The following PLEKHM2 variants were observed in gnomAD, a reference collection of about 807,000 sequenced individuals.
PLEKHM2 encodes pleckstrin homology domain-containing family M member 2.
Under a neutral mutation model 116.3 loss-of-function variants are expected in PLEKHM2, and 77 were observed. That is an observed-to-expected ratio of 0.66 (90% CI 0.55 to 0.80). PLEKHM2 has a LOEUF of 0.80. PLEKHM2 is among the 30% of genes least tolerant of loss of function. PLEKHM2 has a pLI of 0.00. For missense variants in PLEKHM2, 1,183 were observed against 1,354.9 expected, an observed-to-expected ratio of 0.87 and a Z score of 1.99; for synonymous variants, 562 against 571.0, an observed-to-expected ratio of 0.98 and a Z score of 0.22.
chr1:15,718,228 C>T (rs1316204568), intron 4 of PLEKHM2, among the ~76,000 whole-genome samples: 1 of 152,228 alleles, frequency 6.6e-6, no homozygotes. Context: ...TCAGACCTGA[C>T]CAGTGCCCAT....
At position 15,720,331 on chromosome 1, in the gene PLEKHM2, C is replaced by T. The variant is rs942288932; in HGVS notation, c.652+411C>T. 4.1e-6 allele frequency: 4 copies of T among 984,828 alleles called. No homozygotes were observed. In the African/African-American group the frequency reaches 5.3e-5, roughly 13 times the overall value. The allele number at this position is 984,828 out of a possible 1,614,324, so 61.0% of individuals were successfully genotyped here. On this transcript the variant is annotated intron_variant, in intron 6 of 19. Transcript: ENST00000375799. ...TCTTTGCAGAAGGAGGTTAAGCAACCCCTAGAAGAAGAGAGAACCAGGCAG... is the reference window on the plus strand; with the variant it reads ...TCTTTGCAGAAGGAGGTTAAGCAACTCCTAGAAGAAGAGAGAACCAGGCAG...
At chr1:15,703,573 C>T (rs547618497) in intron 1 of PLEKHM2, among the ~76,000 whole-genome samples, 2 of 152,274 alleles carry the variant, frequency 1.3e-5, no homozygotes, top group Non-Finnish European at 2.9e-5. Context: ...CTTTCACAGC[C>T]ACCTTTGAGT....
intron 1 of PLEKHM2, among the ~76,000 whole-genome samples, chr1:15,709,286 C>T (rs1641281955): frequency 6.6e-6 from 1 of 152,136 alleles, no homozygotes; most frequent in African/African-American, 2.4e-5. Flanking sequence ...TTATACTCAC[C>T]CCATTAATTC....
At chr1:15,689,446 G>A (rs551603698) in intron 1 of PLEKHM2, among the ~76,000 whole-genome samples, 13 of 152,096 alleles carry the variant, frequency 8.5e-5, no homozygotes, top group Non-Finnish European at 1.3e-4. Context: ...CGGCTGGAAG[G>A]TGCTTTCTGT....
At position 15,719,998 on chromosome 1, in the gene PLEKHM2, T is replaced by C; in HGVS notation, c.652+78T>C. 1.6e-6 allele frequency: 2 copies of C among 1,244,030 alleles called. No homozygotes were observed. The highest frequency in any genetic ancestry group is 2.2e-6 in the Non-Finnish European group (2 of 897,908). The allele number at this position is 1,244,030 out of a possible 1,614,324, so 77.1% of individuals were successfully genotyped here. A position where few individuals can be genotyped will look rare whatever the true frequency, so the allele number is the denominator to read the frequency against. On this transcript the variant is annotated intron_variant, in intron 6 of 19. Coordinates refer to ENST00000375799, the MANE Select transcript of PLEKHM2 (RefSeq NM_015164.4). The surrounding 1 kb of genome is among the most constrained non-coding windows in gnomAD (Gnocchi z 4.1). ...ACTGCTTAAGCCTGGCTGGGTGATG[T>C]CTTCCTTGGCTAGTTTTGGTCTGGT...
Position 15,728,580 on chromosome 1 carries a change from TAA to T in PLEKHM2, c.1922-88_1922-87del. On this transcript the variant is annotated intron_variant, in intron 11 of 19. Transcript: ENST00000375799. This position sits in a 1 kb window ranked among gnomAD's most constrained non-coding sequence, Gnocchi z 5.9. ...TACTGCAGGGCAAGGAGAGGCCCTC[TAA>T]GAGAGGGGGCTGTGTCTAAGAAAAT... 8.0e-7 allele frequency: 1 copy of T among 1,245,510 alleles called. No individual in the cohort carries two copies. Among genetic ancestry groups the T allele is most frequent in the Non-Finnish European group, 1.2e-6 (1 of 869,038 alleles). 77.2% of individuals were successfully genotyped at this position (1,245,510 alleles called of 1,614,324 possible).
chr1:15,718,524 CT>C lies in PLEKHM2; in HGVS notation c.378-13del. 6.5e-7 allele frequency: 1 copy of C among 1,531,648 alleles called. No individual in the cohort carries two copies. Among genetic ancestry groups the C allele is most frequent in the Non-Finnish European group, 8.9e-7 (1 of 1,124,188 alleles). The allele number at this position is 1,531,648 out of a possible 1,614,324, so 94.9% of individuals were successfully genotyped here. On this transcript the variant is annotated splice_polypyrimidine_tract_variant and intron_variant, in intron 4 of 19. Coordinates refer to ENST00000375799, the MANE Select transcript of PLEKHM2 (RefSeq NM_015164.4). ...AGACCCAGAGGCACCATCGTGGCTT[CT>C]CATGTCTTGCAGGAATGCCCTGGTC... is the stretch of plus-strand genomic sequence containing the variant.
In PLEKHM2 at chr1:15,718,019, C is replaced by T. The variant is rs779998624; in HGVS notation, c.377+27C>T. The stretch of plus-strand genomic sequence containing the variant: ...TGAGTGTCTGGGACGGTCTGTCTCC[C>T]CTAGCCTCAGAGCTCCCTTTCAGCT... On this transcript the variant is annotated intron_variant, in intron 4 of 19. Coordinates refer to ENST00000375799, the MANE Select transcript of PLEKHM2 (RefSeq NM_015164.4). The T allele has an allele frequency of 2.6e-5, 37 of 1,439,394 alleles. No homozygotes were observed. The South Asian group carries it at 4.1e-4, about 16-fold the overall frequency. 89.2% of individuals were successfully genotyped at this position (1,439,394 alleles called of 1,614,324 possible).
At chr1:15,732,194 C>G in intron 17 of PLEKHM2, 146 bp downstream of exon 17, 1 of 930,198 alleles carries the variant, frequency 1.1e-6, no homozygotes, top group Non-Finnish European at 1.6e-6. Context: ...CCCTGGAGCT[C>G]AGAGGCATCA....
In PLEKHM2 at chr1:15,718,525, T is replaced by A; in HGVS notation, c.378-13T>A. ...GACCCAGAGGCACCATCGTGGCTTC[T>A]CATGTCTTGCAGGAATGCCCTGGTC... On this transcript the variant is annotated splice_polypyrimidine_tract_variant and intron_variant, in intron 4 of 19. Transcript: ENST00000375799. The A allele has an allele frequency of 6.5e-7, 1 of 1,533,266 alleles. No homozygotes were observed. The allele number at this position is 1,533,266 out of a possible 1,614,324, so 95.0% of individuals were successfully genotyped here.
rs1287063893 is a variant in PLEKHM2, at chr1:15,728,592, C to T, written c.1922-77C>T. 2 of 1,299,358 alleles carry T rather than the reference C, an allele frequency of 1.5e-6. No homozygotes were observed. Among genetic ancestry groups the T allele is most frequent in the Non-Finnish European group, 2.2e-6 (2 of 915,868 alleles). 80.5% of individuals were successfully genotyped at this position (1,299,358 alleles called of 1,614,324 possible). The stretch of plus-strand genomic sequence containing the variant: ...AGGAGAGGCCCTCTAAGAGAGGGGG[C>T]TGTGTCTAAGAAAATGGGGCAGGGG... On this transcript the variant is annotated intron_variant, in intron 11 of 19. Transcript: ENST00000375799. This position sits in a 1 kb window ranked among gnomAD's most constrained non-coding sequence, Gnocchi z 5.9.
intron 1 of PLEKHM2, among the ~76,000 whole-genome samples, chr1:15,691,533 C>T (rs930043014): frequency 2.6e-5 from 4 of 152,228 alleles, no homozygotes; most frequent in African/African-American, 9.6e-5. Context: ...ACAACCTTCT[C>T]TCGCCTCAGT....
intron 1 of PLEKHM2, among the ~76,000 whole-genome samples, chr1:15,707,082 G>A (rs1422344451): frequency 1.3e-5 from 2 of 149,442 alleles, no homozygotes; most frequent in East Asian, 3.9e-4. Context: ...AGGCCATGCG[G>A]TCTCTGAGAC....
chr1:15,706,568 G>A (rs568776336), intron 1 of PLEKHM2, among the ~76,000 whole-genome samples: 2 of 152,176 alleles, frequency 1.3e-5, no homozygotes, highest in African/African-American at 4.8e-5. Context: ...ACCATGCCTG[G>A]CTAATTTTTT....
intron 1 of PLEKHM2, among the ~76,000 whole-genome samples, chr1:15,700,611 C>T (rs71631742): frequency 0.2 from 30,242 of 152,136 alleles, 3,192 homozygotes; most frequent in African/African-American, 0.25. Flanking sequence ...CCTTCACACA[C>T]CCTTCTGCAC....
intron 1 of PLEKHM2, among the ~76,000 whole-genome samples, chr1:15,712,495 C>T (rs924071339): frequency 6.6e-6 from 1 of 152,154 alleles, no homozygotes; most frequent in African/African-American, 2.4e-5. Flanking sequence ...ACAATGGTCA[C>T]TGCAATATTA....
chr1:15,688,529 G>C (rs1640819766), intron 1 of PLEKHM2, among the ~76,000 whole-genome samples: 1 of 152,032 alleles, frequency 6.6e-6, no homozygotes, highest in Middle Eastern at 3.4e-3. Flanking sequence ...GCGCGTGCCT[G>C]TAGTCCCAGC....
chr1:15,697,698 C>CAGAG (rs982382780), intron 1 of PLEKHM2, among the ~76,000 whole-genome samples: 1 of 152,200 alleles, frequency 6.6e-6, no homozygotes, highest in Non-Finnish European at 1.5e-5. Flanking sequence ...GGGTCTCACT[C>CAGAG]TGTCACCCAG....
In PLEKHM2 at chr1:15,730,619, T is replaced by C; in HGVS notation, c.2296T>C (p.Ser766Pro). 6.2e-7 allele frequency: 1 copy of C among 1,607,802 alleles called. No individual in the cohort carries two copies. The highest frequency in any genetic ancestry group is 1.1e-5 in the South Asian group (1 of 89,624). ...CCTGGGCCCCACGCCCTGCCACTGCTCACCCCCCGAGGGCACCATCACCAA... is the reference window on the plus strand; with the variant it reads ...CCTGGGCCCCACGCCCTGCCACTGCCCACCCCCCGAGGGCACCATCACCAA... ...ESLGPTPCHC[S>P]PPEGTITKEG... Residue 766 changes from serine (S) to proline (P), a missense_variant, in exon 15 of 20, where the codon TCA becomes CCA. Coordinates refer to ENST00000375799, the MANE Select transcript of PLEKHM2 (RefSeq NM_015164.4).
Sources: allele counts gnomAD v4.1 joint callset (sites outside exome capture counted in the v4.1 genomes callset), GRCh38; gene constraint gnomAD v4.1.1; non-coding constraint Gnocchi (gnomAD v3.1); transcripts MANE v1.5; gene names NCBI Gene and HGNC (gene_info 2026-07-23, HGNC 2026-07-21).